The following C3orf20 variants were observed in gnomAD, a reference collection of about 807,000 sequenced individuals.
C3orf20 encodes family with sequence similarity 149 member C.
In C3orf20, 76 loss-of-function variants were observed where a neutral mutation model predicts 88.3. The ratio of observed to expected loss-of-function variants is 0.86; its 90% CI spans 0.72 to 1.04. C3orf20 has a LOEUF of 1.04. Ranked by LOEUF, C3orf20 falls within the 50% of genes least tolerant of loss-of-function variation. The pLI, the probability that C3orf20 is intolerant of heterozygous loss-of-function variation, is 0.00. For missense variants in C3orf20, 1,056 were observed against 1,123.3 expected, an observed-to-expected ratio of 0.94 and a Z score of 0.86; for synonymous variants, 436 against 437.4, an observed-to-expected ratio of 1.00 and a Z score of 0.04.
chr3:14,711,282 T>G (rs764179988), intron 7 of C3orf20, among the ~76,000 whole-genome samples: 1 of 152,234 alleles, frequency 6.6e-6, no homozygotes, highest in Non-Finnish European at 1.5e-5. Context: ...CAACTATTTT[T>G]GTAGAACTAT....
rs1480668274 is a variant in C3orf20, at chr3:14,682,783, C to T, written c.70C>T (p.Arg24Cys). ...AGCCATGGCCCCCAAGCTACTGGCC[C>T]GCATCTCCAAACTCCTCATGATCTG... ...YTAMAPKLLARISKLLMICQN... is the reference protein window; with the variant it reads ...YTAMAPKLLACISKLLMICQN... The change falls in exon 3 of 17, where the codon CGC (arginine) becomes TGC (cysteine). Residue 24 changes from arginine to cysteine, a missense_variant. Physicochemically the swap from Arg to Cys is radical, Grantham distance 180. Transcript: ENST00000253697. 5.6e-6 allele frequency: 9 copies of T among 1,614,032 alleles called. No individual in the cohort carries two copies. The highest frequency in any genetic ancestry group is 2.2e-5 in the South Asian group (2 of 91,084).
At chr3:14,724,362 A>C (rs764201774) in intron 10 of C3orf20, among the ~76,000 whole-genome samples, 3 of 152,194 alleles carry the variant, frequency 2.0e-5, no homozygotes, top group Non-Finnish European at 2.9e-5. Flanking sequence ...CAAGCAATTC[A>C]AGACCCCCAT....
chr3:14,722,389 C>T, intron 10 of C3orf20: 1 of 439,496 alleles, frequency 2.3e-6, no homozygotes, highest in Non-Finnish European at 4.6e-6. Context: ...GGCTCATGTC[C>T]ATCCTGGGGG....
intron 6 of C3orf20, 24 bp downstream of exon 6, chr3:14,703,286 G>A (rs376626717): frequency 2.0e-5 from 32 of 1,613,142 alleles, no homozygotes; most frequent in South Asian, 7.7e-5. Context: ...TGCTTGGGTC[G>A]GGGGAGTCAA....
At chr3:14,742,980 C>T (rs1444315816) in intron 12 of C3orf20, among the ~76,000 whole-genome samples, 1 of 151,936 alleles carries the variant, frequency 6.6e-6, no homozygotes, top group South Asian at 2.1e-4. Flanking sequence ...GTTGAGATTT[C>T]AGTGGAGACA....
chr3:14,711,273 A>G (rs1559412972), intron 7 of C3orf20, among the ~76,000 whole-genome samples: 1 of 152,168 alleles, frequency 6.6e-6, no homozygotes. Flanking sequence ...TGAAGTCTCC[A>G]ACTATTTTTG....
rs2032160009 is a variant in C3orf20 at position 14,682,727 on chromosome 3, A to G, written c.14A>G (p.Lys5Arg). 1 of 1,610,304 alleles carries G rather than the reference A, an allele frequency of 6.2e-7. No homozygotes were observed. The highest frequency in any genetic ancestry group is 1.3e-5 in the African/African-American group (1 of 74,944). Residue 5 changes from lysine (K) to arginine (R), a missense_variant, in exon 3 of 17, where the codon AAG becomes AGG. Physicochemically the swap from Lys to Arg is conservative, Grantham distance 26 (BLOSUM62 2). Coordinates refer to ENST00000253697, the MANE Select transcript of C3orf20 (RefSeq NM_032137.5). ...AAGGTCCCTCTCATGAGTTACATCA[A>G]GAGTAACCTAGAATTATATCAGCAA... MSYI[K>R]SNLELYQQYT... is the part of the protein sequence containing the mutation.
At chr3:14,745,797 C>T (rs1019237874) in intron 12 of C3orf20, among the ~76,000 whole-genome samples, 10 of 152,104 alleles carry the variant, frequency 6.6e-5, no homozygotes, top group Non-Finnish European at 1.0e-4. Flanking sequence ...TGAAGTGGAG[C>T]TTCTTTACAT....
intron 7 of C3orf20, 125 bp downstream of exon 7, chr3:14,704,743 C>T: frequency 8.6e-7 from 1 of 1,169,330 alleles, no homozygotes; most frequent in Non-Finnish European, 1.2e-6. Flanking sequence ...TGATGGGTCT[C>T]CTGGGTATTA....
chr3:14,757,364 C>T lies in C3orf20; in HGVS notation c.1941-7C>T. On this transcript the variant is annotated splice_region_variant and splice_polypyrimidine_tract_variant and intron_variant, in intron 12 of 16. Coordinates refer to ENST00000253697, the MANE Select transcript of C3orf20 (RefSeq NM_032137.5). ...AGGGTCCCTGTGCACTGTGCTCCTC[C>T]TTGCAGAGGGAAGGCCCGCGAGGGG... is the stretch of plus-strand genomic sequence containing the variant. The T allele has an allele frequency of 6.2e-7, 1 of 1,609,134 alleles. No individual in the cohort carries two copies. The highest frequency in any genetic ancestry group is 8.5e-7 in the Non-Finnish European group (1 of 1,178,416).
chr3:14,704,692 T>C, intron 7 of C3orf20, 74 bp downstream of exon 7: 1 of 1,539,864 alleles, frequency 6.5e-7, no homozygotes, highest in Non-Finnish European at 8.8e-7. Flanking sequence ...TGATACAGCC[T>C]AAATGTTTCC....
In C3orf20 at chr3:14,759,831, C is replaced by CA. The variant is rs1398348125; in HGVS notation, c.2245-58dup. The stretch of plus-strand genomic sequence containing the variant: ...GAACCAGGCCTAGCCGAGAATATGG[C>CA]AATCCAGGTACATCTTATTGGCATG... On this transcript the variant is annotated intron_variant, in intron 13 of 16. Coordinates refer to ENST00000253697, the MANE Select transcript of C3orf20 (RefSeq NM_032137.5). 3.5e-6 allele frequency: 5 copies of CA among 1,412,212 alleles called. No homozygotes were observed. In the African/African-American group the frequency reaches 7.1e-5, roughly 20 times the overall value. 87.5% of individuals were successfully genotyped at this position (1,412,212 alleles called of 1,614,324 possible). A position where few individuals can be genotyped will look rare whatever the true frequency, so the allele number is the denominator to read the frequency against.
intron 5 of C3orf20, among the ~76,000 whole-genome samples, chr3:14,695,690 A>C (rs2032963652): frequency 6.6e-6 from 1 of 152,010 alleles, no homozygotes; most frequent in South Asian, 2.1e-4. Context: ...GGGTATATAT[A>C]TATTTACTTA....
intron 12 of C3orf20, among the ~76,000 whole-genome samples, chr3:14,732,942 C>A (rs1416533366): frequency 2.0e-5 from 3 of 151,922 alleles, no homozygotes; most frequent in Non-Finnish European, 4.4e-5. Flanking sequence ...TCCAACAGTA[C>A]TTTTTTTTAA....
rs2035901639 is a variant in C3orf20 at position 14,772,939 on chromosome 3, C to T, written c.*64C>T. 5 of 1,223,730 alleles carry T rather than the reference C, an allele frequency of 4.1e-6. No individual in the cohort carries two copies. In the Admixed American group the frequency reaches 6.9e-5, roughly 17 times the overall value. The allele number at this position is 1,223,730 out of a possible 1,614,324, so 75.8% of individuals were successfully genotyped here. The stretch of plus-strand genomic sequence containing the variant: ...CCGGGGTGCTGGGGCTTCTTGCCAG[C>T]CCAGCCCTGCCTCCCCGGTCTCCCA... On this transcript the variant is annotated 3_prime_UTR_variant, in exon 17 of 17. Transcript: ENST00000253697. This position sits in a 1 kb window ranked among gnomAD's most constrained non-coding sequence, Gnocchi z 4.2.
chr3:14,686,087 C>G (rs1346703937), intron 4 of C3orf20, among the ~76,000 whole-genome samples: 7 of 152,152 alleles, frequency 4.6e-5, no homozygotes, highest in Admixed American at 4.6e-4. Flanking sequence ...GTCTCGATCT[C>G]TTGACCTTGT....
chr3:14,694,034 A>G (rs2032857013), intron 5 of C3orf20, among the ~76,000 whole-genome samples: 1 of 152,236 alleles, frequency 6.6e-6, no homozygotes, highest in South Asian at 2.1e-4. Flanking sequence ...CATCCCAGAG[A>G]TAAATCCCAC....
intron 7 of C3orf20, among the ~76,000 whole-genome samples, chr3:14,707,732 C>T (rs9822003): frequency 0.16 from 23,956 of 151,554 alleles, 2,151 homozygotes; most frequent in Non-Finnish European, 0.2. Context: ...ATTTTTTCCA[C>T]CTTTCTTTCG....
chr3:14,685,350 CTG>C (rs780501092), intron 4 of C3orf20, among the ~76,000 whole-genome samples: 1 of 152,208 alleles, frequency 6.6e-6, no homozygotes, highest in Middle Eastern at 3.4e-3. Context: ...GAAGTGATCT[CTG>C]GGGAGAGAGA....
Sources: gnomAD v4.1 joint callset for allele counts (sites outside exome capture counted in the v4.1 genomes callset) on GRCh38, gnomAD v4.1.1 for gene constraint, Gnocchi (gnomAD v3.1) non-coding constraint, MANE v1.5 for transcripts, NCBI Gene and HGNC (gene_info 2026-07-23, HGNC 2026-07-21) for gene names.